Variants in RETREG2 observed in about 807,000 individuals in gnomAD.
RETREG2 encodes the protein reticulophagy regulator 2.
Under a neutral mutation model 51.6 loss-of-function variants are expected in RETREG2, and 21 were observed. The observed-to-expected ratio is 0.41, with a 90% CI of 0.29 to 0.59. The LOEUF is 0.59. Among genes scored for constraint, RETREG2 ranks in the 20% least tolerant of loss-of-function variants. The probability of loss-of-function intolerance (pLI) is 0.34; values close to 1 mark genes in which losing one functional copy is unlikely to be tolerated. For missense variants in RETREG2, 674 were observed against 646.0 expected, an observed-to-expected ratio of 1.04 and a Z score of -0.47; for synonymous variants, 339 against 288.6, an observed-to-expected ratio of 1.17 and a Z score of -1.77.
rs1950228167 is a variant in RETREG2, at chr2:219,178,736, C to G, written c.281+103C>G. ...GTTATCACTTGGCCTGGGGGCATGACCCATCCCCAGTTTTTGCAGGCTGAC... is the reference window on the plus strand; with the variant it reads ...GTTATCACTTGGCCTGGGGGCATGAGCCATCCCCAGTTTTTGCAGGCTGAC... On this transcript the variant is annotated intron_variant, in intron 1 of 8. Coordinates refer to ENST00000430297, the MANE Select transcript of RETREG2 (RefSeq NM_024293.6). 6.1e-6 allele frequency: 8 copies of G among 1,312,852 alleles called. No homozygotes were observed. In the East Asian group the frequency reaches 1.6e-4, roughly 26 times the overall value. 81.3% of individuals were successfully genotyped at this position (1,312,852 alleles called of 1,614,324 possible).
chr2:219,182,639 TGAG>T lies in RETREG2; in HGVS notation c.*13_*15del, dbSNP rs1473248428. The T allele has an allele frequency of 1.9e-6, 3 of 1,612,168 alleles. No homozygotes were observed. Among genetic ancestry groups the T allele is most frequent in the African/African-American group, 2.7e-5 (2 of 74,826 alleles). ...CGTGGCAGAGCCATGAGCCAGCCGTTGAGGAAGGAGCTGCAGGCACAGTAGGGC... is the reference window on the plus strand; with the variant it reads ...CGTGGCAGAGCCATGAGCCAGCCGTTGAAGGAGCTGCAGGCACAGTAGGGC... On this transcript the variant is annotated 3_prime_UTR_variant, in exon 9 of 9. Transcript: ENST00000430297.
chr2:219,178,642 C>G lies in RETREG2; in HGVS notation c.281+9C>G. ...CTCAACGGCCTCTTCTGGTAACGGC[C>G]GCGGAGGAGGGGGCGGGGCCGGGAT... On this transcript the variant is annotated intron_variant, in intron 1 of 8. Coordinates refer to ENST00000430297, the MANE Select transcript of RETREG2 (RefSeq NM_024293.6). 1.4e-6 allele frequency: 2 copies of G among 1,424,808 alleles called. No homozygotes were observed. The highest frequency in any genetic ancestry group is 1.8e-6 in the Non-Finnish European group (2 of 1,099,484). 88.3% of individuals were successfully genotyped at this position (1,424,808 alleles called of 1,614,324 possible).
In RETREG2 at chr2:219,180,234, A is replaced by G. The variant is rs772694401; in HGVS notation, c.544A>G (p.Asn182Asp). 1 of 1,614,170 alleles carries G rather than the reference A, an allele frequency of 6.2e-7. No individual in the cohort carries two copies. Among genetic ancestry groups the G allele is most frequent in the Non-Finnish European group, 8.5e-7 (1 of 1,180,020 alleles). ...LQELLQYKRQ[N>D]PAQFCVRVCS... ...GGAGCTGCTGCAGTACAAGAGGCAG[A>G]ATCCAGCTCAGGTAACCTCCCCTAC... is the stretch of plus-strand genomic sequence containing the variant. The change falls in exon 4 of 9, where the codon AAT (asparagine) becomes GAT (aspartate). Residue 182 changes from asparagine to aspartate, a missense_variant. Asn to Asp is a conservative substitution (Grantham distance 23, BLOSUM62 1). Transcript: ENST00000430297.
In RETREG2 at chr2:219,181,433, C is replaced by T. The variant is rs548711754; in HGVS notation, c.849C>T (p.Ser283=). Residue 283 remains serine (S), a synonymous_variant, in exon 7 of 9, where the codon AGC becomes AGT. Coordinates refer to ENST00000430297, the MANE Select transcript of RETREG2 (RefSeq NM_024293.6). The stretch of plus-strand genomic sequence containing the variant: ...CACTGGCAGAGACAGAGAGTGAAAG[C>T]GAGGCAGAGCTGGCTGGCTTCTCCC... ...DEPLAETESE[S]EAELAGFSPV... 3.0e-5 allele frequency: 48 copies of T among 1,614,044 alleles called. No homozygotes were observed. In the South Asian group the frequency reaches 4.3e-4, roughly 14 times the overall value.
chr2:219,178,943 C>T lies in RETREG2; in HGVS notation c.303C>T (p.Leu101=). The T allele has an allele frequency of 6.2e-7, 1 of 1,613,842 alleles. No homozygotes were observed. Among genetic ancestry groups the T allele is most frequent in the East Asian group, 2.2e-5 (1 of 44,892 alleles). ...GLFWLLSSSS[L]RPFFLLSVSL... is the part of the protein sequence containing the mutation. ...TAAGGTTGCTGTCTTCCTCGTCCCT[C>T]CGGCCCTTCTTCCTACTCAGCGTCT... Residue 101 remains leucine, a synonymous_variant, in exon 2 of 9, where the codon CTC becomes CTT. Transcript: ENST00000430297.
rs780347734 is a variant in RETREG2 at position 219,180,772 on chromosome 2, C to T, written c.640+18C>T. ...CATTGTCTGTGAGTAGGGTCTGTCC[C>T]TGCCCTATTTAAAGCCCTCTCCTTT... On this transcript the variant is annotated intron_variant, in intron 5 of 8. Transcript: ENST00000430297. 9 of 1,613,408 alleles carry T rather than the reference C, an allele frequency of 5.6e-6. No individual in the cohort carries two copies. Among genetic ancestry groups the T allele is most frequent in the South Asian group, 5.5e-5 (5 of 91,066 alleles).
intron 1 of RETREG2, 67 bp from the exon 2 acceptor site, chr2:219,178,855 A>G: frequency 7.9e-7 from 1 of 1,258,216 alleles, no homozygotes; most frequent in Non-Finnish European, 1.1e-6. Context: ...GCGCCTTTCC[A>G]CCTTCTGAGA....
In RETREG2 at chr2:219,184,441, CT is replaced by C. The variant is rs1168300003; in HGVS notation, c.*1815del. The C allele has an allele frequency of 1.3e-5, 2 of 152,108 alleles. No homozygotes were observed. The highest frequency in any genetic ancestry group is 3.9e-4 in the East Asian group (2 of 5,190). The allele number at this position is 152,108 out of a possible 1,614,324, so 9.4% of individuals were successfully genotyped here. ...GGTACCATATGGTAATGCTGCCTGT[CT>C]TTCTGAGGTTGACTTTTATGCCATG... On this transcript the variant is annotated 3_prime_UTR_variant, in exon 9 of 9. Transcript: ENST00000430297.
In RETREG2 at chr2:219,181,165, G is replaced by A. The variant is rs1455724603; in HGVS notation, c.744G>A (p.Lys248=). ...PLLMQLDYSM[K]AEANALHHKH... ...TCATGCAGCTGGACTACAGCATGAA[G>A]GCAGAAGCCAATGCCCTGCATCACA... The change falls in exon 6 of 9, where the codon AAG becomes AAA. Residue 248 remains lysine (K), a synonymous_variant. Transcript: ENST00000430297. The A allele has an allele frequency of 6.2e-7, 1 of 1,614,040 alleles. No individual in the cohort carries two copies. Among genetic ancestry groups the A allele is most frequent in the Non-Finnish European group, 8.5e-7 (1 of 1,180,046 alleles).
Position 219,182,550 on chromosome 2 carries a change from CT to C in RETREG2, c.1554del (p.Asp519MetfsTer42). ...GAGCCAGAGACACCGCCAAAACCCCCTGATGCTCCACCCCTGGGGCCCGACA... is the reference window on the plus strand; with the variant it reads ...GAGCCAGAGACACCGCCAAAACCCCCGATGCTCCACCCCTGGGGCCCGACA... The part of the protein sequence containing the change: ...GLEPETPPKP[P>X]DAPPLGPDIH... On this transcript the variant is annotated frameshift_variant, in exon 9 of 9. Coordinates refer to ENST00000430297, the MANE Select transcript of RETREG2 (RefSeq NM_024293.6). LOFTEE classifies it high-confidence loss of function. The C allele has an allele frequency of 1.2e-6, 2 of 1,614,220 alleles. No individual in the cohort carries two copies. Among genetic ancestry groups the C allele is most frequent in the Non-Finnish European group, 1.7e-6 (2 of 1,180,040 alleles).
Position 219,182,431 on chromosome 2 carries a change from G to T in RETREG2, c.1434G>T (p.Leu478=). The change falls in exon 9 of 9, where the codon CTG becomes CTT. Residue 478 remains leucine (L), a synonymous_variant. Transcript: ENST00000430297. ...PPVPQDSPQP[L]PAPEEEEALT... is the part of the protein sequence containing the mutation. Reference sequence around the variant, plus strand: ...TTCCCCAGGACTCACCCCAGCCCCTGCCTGCCCCTGAGGAAGAAGAGGCAC... The same window carrying T: ...TTCCCCAGGACTCACCCCAGCCCCTTCCTGCCCCTGAGGAAGAAGAGGCAC... The T allele has an allele frequency of 1.2e-6, 2 of 1,613,898 alleles. No homozygotes were observed. Among genetic ancestry groups the T allele is most frequent in the Non-Finnish European group, 1.7e-6 (2 of 1,179,958 alleles).
Position 219,182,549 on chromosome 2 carries a change from CCT to C in RETREG2, c.1553_1554del (p.Pro518ArgfsTer38). 1.9e-6 allele frequency: 3 copies of C among 1,614,186 alleles called. No homozygotes were observed. Among genetic ancestry groups the C allele is most frequent in the Non-Finnish European group, 2.5e-6 (3 of 1,180,026 alleles). On this transcript the variant is annotated frameshift_variant, in exon 9 of 9. Transcript: ENST00000430297. LOFTEE classifies it high-confidence loss of function. Reference sequence around the variant, plus strand: ...GGAGCCAGAGACACCGCCAAAACCCCCTGATGCTCCACCCCTGGGGCCCGACA... The same window carrying C: ...GGAGCCAGAGACACCGCCAAAACCCCGATGCTCCACCCCTGGGGCCCGACA... ...GLEPETPPKP[P>X]DAPPLGPDIH...
intron 5 of RETREG2, 30 bp from the exon 6 acceptor site, chr2:219,181,032 G>C: frequency 6.2e-7 from 1 of 1,611,558 alleles, no homozygotes; most frequent in Non-Finnish European, 8.5e-7. Flanking sequence ...TTGGCGTAGG[G>C]AGCTCTTAGT....
rs1433903144 is a variant in RETREG2 at position 219,184,082 on chromosome 2, A to C, written c.*1453A>C. The stretch of plus-strand genomic sequence containing the variant: ...TTTATAGACAGGTTAAGCTTCCTGA[A>C]GGCCACAGGTCCCAGTAAATTGTGG... On this transcript the variant is annotated 3_prime_UTR_variant, in exon 9 of 9. Coordinates refer to ENST00000430297, the MANE Select transcript of RETREG2 (RefSeq NM_024293.6). 1 of 152,220 alleles carries C rather than the reference A, an allele frequency of 6.6e-6. No individual in the cohort carries two copies. 9.4% of individuals were successfully genotyped at this position (152,220 alleles called of 1,614,324 possible).
chr2:219,184,272 T>C lies in RETREG2; in HGVS notation c.*1643T>C, dbSNP rs3795987. On this transcript the variant is annotated 3_prime_UTR_variant, in exon 9 of 9. Transcript: ENST00000430297. ...AGTGGACATGGCAAGCCTTCCTCTTTGGGGAAGAAAAGCCCAGAACTGAGC... is the reference window on the plus strand; with the variant it reads ...AGTGGACATGGCAAGCCTTCCTCTTCGGGGAAGAAAAGCCCAGAACTGAGC... 0.86 allele frequency: 131,509 copies of C among 152,212 alleles called. 57,905 individuals are homozygous for C. Among genetic ancestry groups the C allele is most frequent in the Non-Finnish European group, 0.96 (65,246 of 68,044 alleles). 9.4% of individuals were successfully genotyped at this position (152,212 alleles called of 1,614,324 possible). A position where few individuals can be genotyped will look rare whatever the true frequency, so the allele number is the denominator to read the frequency against.
At chr2:219,181,857 C>T in intron 8 of RETREG2, 82 bp downstream of exon 8, 2 of 1,571,950 alleles carry the variant, frequency 1.3e-6, no homozygotes, top group East Asian at 2.2e-5. Context: ...CTCTCTGGCC[C>T]ACTCACTCTC....
rs1950296478 is a variant in RETREG2, at chr2:219,182,493, A to G, written c.1496A>G (p.Glu499Gly). 18 of 1,613,220 alleles carry G rather than the reference A, an allele frequency of 1.1e-5. No homozygotes were observed. The highest frequency in any genetic ancestry group is 1.5e-5 in the Non-Finnish European group (18 of 1,179,886). Residue 499 changes from glutamate (E) to glycine (G), a missense_variant, in exon 9 of 9, where the codon GAG becomes GGG. By Grantham distance (98) the Glu-to-Gly change is moderately conservative (BLOSUM62 -2). Coordinates refer to ENST00000430297, the MANE Select transcript of RETREG2 (RefSeq NM_024293.6). ...GACTTTGAGTTGCTGGATCAGGGGG[A>G]GCTGGAGCAGCTGAATGCAGAGCTG... Reference protein sequence around the residue: ...TEDFELLDQGELEQLNAELGL... With the variant: ...TEDFELLDQGGLEQLNAELGL...
chr2:219,181,136 C>G lies in RETREG2; in HGVS notation c.715C>G (p.Leu239Val). ...GAGGATGTACACTCGCCTGGAGCCC[C>G]TGCTCATGCAGCTGGACTACAGCAT... ...IQRMYTRLEP[L>V]LMQLDYSMKA... The change falls in exon 6 of 9, where the codon CTG becomes GTG. Residue 239 changes from leucine to valine, a missense_variant. Physicochemically the swap from Leu to Val is conservative, Grantham distance 32 (BLOSUM62 1). Coordinates refer to ENST00000430297, the MANE Select transcript of RETREG2 (RefSeq NM_024293.6). The G allele has an allele frequency of 1.2e-6, 2 of 1,614,170 alleles. No individual in the cohort carries two copies. Among genetic ancestry groups the G allele is most frequent in the Non-Finnish European group, 1.7e-6 (2 of 1,180,028 alleles).
rs1950249806 is a variant in RETREG2 at position 219,179,776 on chromosome 2, C to T, written c.419+13C>T. ...CACACTCTGACAGGTGAGTACAGGC[C>T]ACCTCTTGAAGACAAATGCCCACAT... On this transcript the variant is annotated intron_variant, in intron 3 of 8. Transcript: ENST00000430297. The T allele has an allele frequency of 6.2e-7, 1 of 1,613,560 alleles. No homozygotes were observed. The highest frequency in any genetic ancestry group is 8.5e-7 in the Non-Finnish European group (1 of 1,179,478).
Sources: gnomAD v4.1 joint callset for allele counts on GRCh38, gnomAD v4.1.1 for gene constraint, MANE v1.5 for transcripts, NCBI Gene and HGNC (gene_info 2026-07-23, HGNC 2026-07-21) for gene names.